The following GRHL2 variants were observed in gnomAD, a reference collection of about 807,000 sequenced individuals.
The protein encoded by GRHL2 is grainyhead like transcription factor 2, also known as grainyhead-like protein 2 homolog.
In GRHL2, 21 loss-of-function variants were observed where a neutral mutation model predicts 83.8. The ratio of observed to expected loss-of-function variants is 0.25; its 90% CI spans 0.18 to 0.36. The LOEUF is 0.36. GRHL2 is among the 10% of genes least tolerant of loss of function. The pLI is 1.00. For missense variants in GRHL2, 623 were observed against 781.8 expected (o/e 0.80, Z 2.42); for synonymous variants, 280 against 278.9 (o/e 1.00, Z -0.04).
intron 4 of GRHL2, chr8:101,562,498 G>A (rs557882237): frequency 2.4e-5 from 7 of 290,522 alleles, no homozygotes; most frequent in African/African-American, 9.0e-5. Context: ...TATTGAACCC[G>A]TGTGGGTCCC....
At chr8:101,656,166 C>T (rs1813781794) in intron 14 of GRHL2, among the ~76,000 whole-genome samples, 1 of 152,200 alleles carries the variant, frequency 6.6e-6, no homozygotes. Flanking sequence ...TTTCTCTCTT[C>T]CCCAGTTGAA....
rs768421169 is a variant in GRHL2, at chr8:101,649,498, C to T, written c.1697C>T (p.Ala566Val). 5.6e-6 allele frequency: 9 copies of T among 1,611,474 alleles called. No individual in the cohort carries two copies. The highest frequency in any genetic ancestry group is 1.1e-5 in the South Asian group (1 of 90,894). Residue 566 changes from alanine (A) to valine (V), a missense_variant and splice_region_variant, in exon 14 of 16, where the codon GCG (alanine) becomes GTG (valine). Transcript: ENST00000646743. ...KSPTVKGLME[A>V]ISEKYGLPVE... ...CCCACAGTGAAGGGCCTGATGGAAG[C>T]GGTAAGCCATATACTCCTTTCAGCC...
Position 101,504,025 on chromosome 8 carries a change from TA to T in GRHL2, c.20+11243del, listed in dbSNP as rs1195814496. Among the ~76,000 whole-genome samples, 5 of 152,202 alleles carry T rather than the reference TA, an allele frequency of 3.3e-5. No individual in the cohort carries two copies. In the East Asian group the frequency reaches 7.7e-4, roughly 23 times the overall value. ...TTATGTATTTATGTATGTATGTATT[TA>T]AAAAAATTAAAGGTTGTATATAAAA... On this transcript the variant is annotated intron_variant, in intron 1 of 15. Transcript: ENST00000646743.
chr8:101,512,701 C>T (rs1810489901), intron 1 of GRHL2, among the ~76,000 whole-genome samples: 2 of 152,268 alleles, frequency 1.3e-5, no homozygotes, highest in East Asian at 3.9e-4. Context: ...GTTTTGATTT[C>T]TTAAATCTTT....
Position 101,667,559 on chromosome 8 carries a change from G to A in GRHL2, c.*856G>A, listed in dbSNP as rs1814099084. The stretch of plus-strand genomic sequence containing the variant: ...GGACTCTGCAATGGGCATACCTGGG[G>A]GCTCGTTCCCTGTCCCCAGAGGAAG... On this transcript the variant is annotated 3_prime_UTR_variant, in exon 16 of 16. Transcript: ENST00000646743. 3 of 152,492 alleles carry A rather than the reference G, an allele frequency of 2.0e-5. No individual in the cohort carries two copies. Among genetic ancestry groups the A allele is most frequent in the African/African-American group, 7.2e-5 (3 of 41,444 alleles). The allele number at this position is 152,492 out of a possible 1,614,324, so 9.4% of individuals were successfully genotyped here.
At chr8:101,535,751 G>A (rs1383823220) in intron 1 of GRHL2, among the ~76,000 whole-genome samples, 1 of 152,062 alleles carries the variant, frequency 6.6e-6, no homozygotes, top group African/African-American at 2.4e-5. Flanking sequence ...AGTTGGCCAG[G>A]CTGGTCTCGA....
chr8:101,598,438 C>T (rs1812440560), intron 7 of GRHL2, among the ~76,000 whole-genome samples: 1 of 151,690 alleles, frequency 6.6e-6, no homozygotes, highest in Non-Finnish European at 1.5e-5. Context: ...CAGGGTTTCA[C>T]CATGTTAGCC....
intron 1 of GRHL2, among the ~76,000 whole-genome samples, chr8:101,542,076 G>C (rs192884659): frequency 6.6e-6 from 1 of 152,292 alleles, no homozygotes; most frequent in Admixed American, 6.5e-5. Context: ...TGTTTGCAAA[G>C]TAGCTTACAT....
chr8:101,676,008 T>C, the GRHL2 span, among the ~76,000 whole-genome samples: 2 of 152,158 alleles, frequency 1.3e-5, no homozygotes, highest in Non-Finnish European at 2.9e-5. Context: ...GCTGGCCATA[T>C]GTAGAAAGCT....
intron 9 of GRHL2, among the ~76,000 whole-genome samples, chr8:101,624,068 CACAGTACACAGTAGG>C (rs1202536633): frequency 4.3e-4 from 63 of 145,426 alleles, no homozygotes; most frequent in African/African-American, 1.4e-3. Context: ...TAGAACAGTT[CACAGTACACAGTAGG>C]ACAGTACACA....
intron 4 of GRHL2, among the ~76,000 whole-genome samples, chr8:101,567,696 G>A (rs1268066176): frequency 6.6e-6 from 1 of 152,160 alleles, no homozygotes; most frequent in African/African-American, 2.4e-5. Flanking sequence ...ATGCATTCAT[G>A]CATTGAAGTG....
chr8:101,635,630 A>G (rs7010796), intron 11 of GRHL2, among the ~76,000 whole-genome samples: 18,474 of 152,194 alleles, frequency 0.12, 2,468 homozygotes, highest in African/African-American at 0.34. Flanking sequence ...CTCTATATTC[A>G]TTAAATTAGG....
the GRHL2 span, among the ~76,000 whole-genome samples, chr8:101,677,863 G>A: frequency 3.3e-5 from 5 of 151,858 alleles, no homozygotes; most frequent in Non-Finnish European, 7.4e-5. Context: ...TCACTGTAGA[G>A]AACCCTGCTT....
At chr8:101,585,040 TAGCTAGGTGGTCAGGC>T (rs1276701074) in intron 7 of GRHL2, among the ~76,000 whole-genome samples, 2 of 152,110 alleles carry the variant, frequency 1.3e-5, no homozygotes, top group Non-Finnish European at 1.5e-5. Context: ...GCTGGCCAGG[TAGCTAGGTGGTCAGGC>T]AGCCAGGTGG....
At chr8:101,616,039 T>TTCTTTC (rs539031048) in intron 8 of GRHL2, among the ~76,000 whole-genome samples, 1 of 151,756 alleles carries the variant, frequency 6.6e-6, no homozygotes, top group Non-Finnish European at 1.5e-5. Flanking sequence ...TTTTCTTTCT[T>TTCTTTC]TCTTTCTCTT....
intron 14 of GRHL2, among the ~76,000 whole-genome samples, chr8:101,650,901 T>C (rs1275274851): frequency 2.0e-5 from 3 of 152,130 alleles, no homozygotes; most frequent in African/African-American, 7.2e-5. Context: ...TGATCTGTTA[T>C]TAACAAGTCC....
Position 101,669,254 on chromosome 8 carries a change from C to CTTTTTTTCTTTTTTTTTTTTT in GRHL2, c.*2558_*2559insCTTTTTTTTTTTTTTTTTTTT, listed in dbSNP as rs538261454. Reference sequence around the variant, plus strand: ...GGACATGTGAAATGAGCATTTTTTTCTTTTTTTTTTTTAACAAAGTCTGAA... The same window carrying CTTTTTTTCTTTTTTTTTTTTT: ...GGACATGTGAAATGAGCATTTTTTTCTTTTTTTCTTTTTTTTTTTTTTTTTTTTTTTTTAACAAAGTCTGAA... On this transcript the variant is annotated 3_prime_UTR_variant, in exon 16 of 16. Coordinates refer to ENST00000646743, the MANE Select transcript of GRHL2 (RefSeq NM_024915.4). 21 of 126,604 alleles carry CTTTTTTTCTTTTTTTTTTTTT rather than the reference C, an allele frequency of 1.7e-4. No individual in the cohort carries two copies. The highest frequency in any genetic ancestry group is 7.4e-4 in the South Asian group (3 of 4,068). 7.8% of individuals were successfully genotyped at this position (126,604 alleles called of 1,614,324 possible). A position where few individuals can be genotyped will look rare whatever the true frequency, so the allele number is the denominator to read the frequency against.
At chr8:101,603,453 G>A (rs981552270) in intron 8 of GRHL2, among the ~76,000 whole-genome samples, 6 of 152,126 alleles carry the variant, frequency 3.9e-5, no homozygotes, top group African/African-American at 1.4e-4. Flanking sequence ...TTTCATTGCT[G>A]ACTTACATTT....
intron 8 of GRHL2, among the ~76,000 whole-genome samples, chr8:101,599,737 C>G (rs1344319735): frequency 6.6e-6 from 1 of 152,098 alleles, no homozygotes; most frequent in African/African-American, 2.4e-5. Context: ...AAATCTGTGG[C>G]GAAGTGAGCC....
Sources: allele counts gnomAD v4.1 joint callset (sites outside exome capture counted in the v4.1 genomes callset), GRCh38; gene constraint gnomAD v4.1.1; transcripts MANE v1.5; gene names NCBI Gene and HGNC (gene_info 2026-07-23, HGNC 2026-07-21).